The following IGSF21 variants were observed in gnomAD, a reference collection of about 807,000 sequenced individuals.
IGSF21 encodes the protein immunoglobulin superfamily member 21.
Under a neutral mutation model 46.8 loss-of-function variants are expected in IGSF21, and 28 were observed. The ratio of observed to expected loss-of-function variants is 0.60; its 90% confidence interval spans 0.44 to 0.82. IGSF21 has a LOEUF of 0.82. IGSF21 is among the 40% of genes least tolerant of loss of function. The pLI, the probability that IGSF21 is intolerant of heterozygous loss-of-function variation, is 0.00. For missense variants in IGSF21, 624 were observed against 665.5 expected (o/e 0.94, Z 0.69); for synonymous variants, 284 against 273.6 (o/e 1.04, Z -0.38).
At chr1:18,279,290 G>T (rs552253450) in intron 2 of IGSF21, among the ~76,000 whole-genome samples, 67 of 152,290 alleles carry the variant, frequency 4.4e-4, no homozygotes, top group South Asian at 2.5e-3. Context: ...TTAATTTAAG[G>T]TATATGGCTC....
intron 3 of IGSF21, among the ~76,000 whole-genome samples, chr1:18,323,950 C>G (rs539776210): frequency 6.6e-6 from 1 of 152,282 alleles, no homozygotes; most frequent in South Asian, 2.1e-4. Context: ...AGGGGCTCAG[C>G]TCTTAGGTAG....
In IGSF21 at chr1:18,322,038, A is replaced by T. The variant is rs1357022378; in HGVS notation, c.306-12854A>T. Among the ~76,000 whole-genome samples the T allele has an allele frequency of 6.6e-6, 1 of 152,216 alleles. No individual in the cohort carries two copies. The highest frequency in any genetic ancestry group is 1.9e-4 in the East Asian group (1 of 5,182). On this transcript the variant is annotated intron_variant, in intron 3 of 9. Coordinates refer to ENST00000251296, the MANE Select transcript of IGSF21 (RefSeq NM_032880.5). This position sits in a 1 kb window ranked among gnomAD's most constrained non-coding sequence, Gnocchi z 4.3. The stretch of plus-strand genomic sequence containing the variant: ...AGATCACTCAACTACAGCATGTTAC[A>T]GCTGGGTGGTTCTGGCCCATGGGAA...
At chr1:18,208,336 AG>A (rs2084352930) in intron 1 of IGSF21, among the ~76,000 whole-genome samples, 2 of 141,158 alleles carry the variant, frequency 1.4e-5, no homozygotes, top group Non-Finnish European at 3.1e-5. Flanking sequence ...TGCTGTCCAA[AG>A]GTTTCGGGTT....
intron 2 of IGSF21, among the ~76,000 whole-genome samples, chr1:18,241,341 C>T (rs187528971): frequency 6.6e-6 from 1 of 152,270 alleles, no homozygotes; most frequent in East Asian, 1.9e-4. Context: ...GGCTCCTCTC[C>T]CAGTATGCAC....
At chr1:18,319,777 A>G (rs1348001226) in intron 3 of IGSF21, among the ~76,000 whole-genome samples, 17 of 152,082 alleles carry the variant, frequency 1.1e-4, no homozygotes, top group Non-Finnish European at 2.4e-4. Flanking sequence ...AGCAATTTCA[A>G]ATTTTAAATA....
At position 18,362,154 on chromosome 1, in the gene IGSF21, C is replaced by T. The variant is rs751571637; in HGVS notation, c.464C>T (p.Pro155Leu). 6.2e-7 allele frequency: 1 copy of T among 1,612,462 alleles called. No individual in the cohort carries two copies. The change falls in exon 5 of 10, where the codon CCA becomes CTA. Residue 155 changes from proline (P) to leucine (L), a missense_variant. Coordinates refer to ENST00000251296, the MANE Select transcript of IGSF21 (RefSeq NM_032880.5). ...ATTGAAGTGGTGGCTGCTGACACAC[C>T]AGCCCCCTTCAGCCGCTACCAAGCC... ...TSIEVVAADT[P>L]APFSRYQAQN...
chr1:18,269,024 TC>T (rs2085017554), intron 2 of IGSF21, among the ~76,000 whole-genome samples: 1 of 152,244 alleles, frequency 6.6e-6, no homozygotes, highest in African/African-American at 2.4e-5. Context: ...GTTCTTGATG[TC>T]CTCAGCTCCT....
chr1:18,301,272 C>A (rs2085358775), intron 3 of IGSF21, among the ~76,000 whole-genome samples: 1 of 152,196 alleles, frequency 6.6e-6, no homozygotes, highest in African/African-American at 2.4e-5. Context: ...TTGTGGGGCC[C>A]CTGGGCCATG....
At chr1:18,244,268 G>T (rs2084762092) in intron 2 of IGSF21, among the ~76,000 whole-genome samples, 1 of 152,234 alleles carries the variant, frequency 6.6e-6, no homozygotes. Flanking sequence ...ACAACTCTGG[G>T]CAATGGTAGA....
intron 4 of IGSF21, among the ~76,000 whole-genome samples, chr1:18,342,054 GTTTTTT>G (rs60349068): frequency 4.8e-5 from 7 of 144,592 alleles, no homozygotes; most frequent in Non-Finnish European, 7.5e-5. Flanking sequence ...CATTTTCCTT[GTTTTTT>G]TTTTTTTTGT....
At chr1:18,270,028 C>G (rs2085027710) in intron 2 of IGSF21, among the ~76,000 whole-genome samples, 1 of 152,200 alleles carries the variant, frequency 6.6e-6, no homozygotes, top group Admixed American at 6.5e-5. Flanking sequence ...GCCCTTCACC[C>G]TCATGCTATC....
At chr1:18,140,844 C>T (rs1004405915) in intron 1 of IGSF21, among the ~76,000 whole-genome samples, 1 of 152,220 alleles carries the variant, frequency 6.6e-6, no homozygotes, top group African/African-American at 2.4e-5. Context: ...GCCCCTTCTC[C>T]CCACTTATTC....
At chr1:18,273,339 C>CCTTTCCTTTCCTTTCCTTTG (rs1165819657) in intron 2 of IGSF21, among the ~76,000 whole-genome samples, 5 of 45,810 alleles carry the variant, frequency 1.1e-4, no homozygotes, top group African/African-American at 5.0e-4. Context: ...CCATTCCTTT[C>CCTTTCCTTTCCTTTCCTTTG]CTTTCCTTTC....
In IGSF21 at chr1:18,251,622, A is replaced by C. The variant is rs143315875; in HGVS notation, c.183+23612A>C. Among the ~76,000 whole-genome samples, 681 of 152,296 alleles carry C rather than the reference A, an allele frequency of 4.5e-3. 5 individuals are homozygous for C. The highest frequency in any genetic ancestry group is 5.7e-3 in the Non-Finnish European group (385 of 68,022). ...CCACTCATTGTGTCCATCCACACGGATGCAACTGTGAGGGAGGCTGAGAAA... is the reference window on the plus strand; with the variant it reads ...CCACTCATTGTGTCCATCCACACGGCTGCAACTGTGAGGGAGGCTGAGAAA... On this transcript the variant is annotated intron_variant, in intron 2 of 9. Coordinates refer to ENST00000251296, the MANE Select transcript of IGSF21 (RefSeq NM_032880.5).
intron 1 of IGSF21, among the ~76,000 whole-genome samples, chr1:18,135,241 T>C (rs56087242): frequency 0.091 from 13,871 of 152,222 alleles, 991 homozygotes; most frequent in African/African-American, 0.19. Context: ...TATTTATTTA[T>C]GTACTTGTTT....
chr1:18,329,729 G>T (rs4920479), intron 3 of IGSF21, among the ~76,000 whole-genome samples: 48,519 of 151,998 alleles, frequency 0.32, 9,449 homozygotes, highest in Non-Finnish European at 0.42. Context: ...ATGGAGGCAG[G>T]GACCAAAACC....
At chr1:18,287,198 T>TAAAA in intron 2 of IGSF21, among the ~76,000 whole-genome samples, 1 of 133,426 alleles carries the variant, frequency 7.5e-6, no homozygotes, top group African/African-American at 2.8e-5. Context: ...AAAAATAAAA[T>TAAAA]AAATAAATAA....
intron 3 of IGSF21, among the ~76,000 whole-genome samples, chr1:18,306,981 G>T (rs1005401382): frequency 6.6e-5 from 10 of 152,346 alleles, no homozygotes; most frequent in Middle Eastern, 3.4e-3. Flanking sequence ...GATTGGTTCT[G>T]CGTATTCGCA....
chr1:18,256,694 C>T (rs1197284093), intron 2 of IGSF21, among the ~76,000 whole-genome samples: 2 of 152,152 alleles, frequency 1.3e-5, no homozygotes, highest in African/African-American at 4.8e-5. Flanking sequence ...ACTGGGAAGG[C>T]TTTGAGCTGC....
Sources: allele counts gnomAD v4.1 joint callset (sites outside exome capture counted in the v4.1 genomes callset), GRCh38; gene constraint gnomAD v4.1.1; non-coding constraint Gnocchi (gnomAD v3.1); transcripts MANE v1.5; gene names NCBI Gene and HGNC (gene_info 2026-07-23, HGNC 2026-07-21).